Variants in TTLL9 observed in about 807,000 individuals in gnomAD.
TTLL9 encodes probable tubulin polyglutamylase TTLL9.
TTLL9 carries 47 observed loss-of-function variants against 65.6 expected under a neutral mutation model. The observed-to-expected ratio is 0.72, with a 90% CI of 0.57 to 0.91. The LOEUF (loss-of-function observed/expected upper bound fraction) is 0.91. Among genes scored for constraint, TTLL9 ranks in the 40% least tolerant of loss-of-function variants. The pLI, the probability that TTLL9 is intolerant of heterozygous loss-of-function variation, is 0.00. For synonymous variants in TTLL9, 179 were observed against 204.8 expected, an observed-to-expected ratio of 0.87 and a Z score of 1.07; for missense variants, 537 against 568.8, an observed-to-expected ratio of 0.94 and a Z score of 0.57.
At chr20:31,908,844 A>G (rs2063600428) in intron 5 of TTLL9, 142 bp downstream of exon 5, 1 of 697,554 alleles carries the variant, frequency 1.4e-6, no homozygotes, top group Non-Finnish European at 2.6e-6. Context: ...GGCTAGACCT[A>G]TGGAGAGCCA....
Position 31,925,020 on chromosome 20 carries a change from G to T in TTLL9, c.676G>T (p.Asp226Tyr). 6.2e-7 allele frequency: 1 copy of T among 1,614,126 alleles called. No homozygotes were observed. The highest frequency in any genetic ancestry group is 1.1e-5 in the South Asian group (1 of 91,066). ...NPYLIGGRKF[D>Y]LRVYVLVMSV... ...TCCTTGCCTGACAGGCCGCAAGTTT[G>T]ACCTGCGTGTCTATGTGCTGGTGAT... Residue 226 changes from aspartate to tyrosine, a missense_variant, in exon 9 of 15, where the codon GAC becomes TAC. Coordinates refer to ENST00000535842, the MANE Select transcript of TTLL9 (RefSeq NM_001008409.5).
chr20:31,933,031 C>T (rs2064047173), intron 10 of TTLL9, among the ~76,000 whole-genome samples: 1 of 152,178 alleles, frequency 6.6e-6, no homozygotes, highest in South Asian at 2.1e-4. Context: ...TTGGGGAAGC[C>T]ATCCTGCTTA....
intron 9 of TTLL9, among the ~76,000 whole-genome samples, chr20:31,925,274 T>C (rs1261609299): frequency 1.3e-5 from 2 of 152,216 alleles, no homozygotes; most frequent in African/African-American, 4.8e-5. Flanking sequence ...CTCTCTGCCC[T>C]TCTTTATTCA....
In TTLL9 at chr20:31,908,593, A is replaced by G; in HGVS notation, c.209A>G (p.Glu70Gly). The stretch of plus-strand genomic sequence containing the variant: ...CCCCGCCCCCACCCCACCCCCAGCG[A>G]AGGGGAGTGGGATTTCTACTGGTGT... ...HRPGWVEVKD[E>G]GEWDFYWCDV... Residue 70 changes from glutamate (E) to glycine (G), a missense_variant and splice_region_variant, in exon 5 of 15, where the codon GAA becomes GGA. Glu to Gly is a moderately conservative substitution (Grantham distance 98). Transcript: ENST00000535842. 2 of 1,361,876 alleles carry G rather than the reference A, an allele frequency of 1.5e-6. No homozygotes were observed. Among genetic ancestry groups the G allele is most frequent in the Non-Finnish European group, 2.1e-6 (2 of 964,372 alleles). The allele number at this position is 1,361,876 out of a possible 1,614,324, so 84.4% of individuals were successfully genotyped here. A position where few individuals can be genotyped will look rare whatever the true frequency, so the allele number is the denominator to read the frequency against.
intron 7 of TTLL9, among the ~76,000 whole-genome samples, chr20:31,920,484 G>T (rs550216717): frequency 5.9e-5 from 9 of 152,332 alleles, no homozygotes; most frequent in Admixed American, 2.0e-4. Flanking sequence ...GCAGCTGTGT[G>T]GTCTTGGGAA....
intron 3 of TTLL9, among the ~76,000 whole-genome samples, chr20:31,890,031 T>TTTCTTTCTTTCC (rs1325059685): frequency 4.3e-4 from 49 of 114,584 alleles, no homozygotes; most frequent in East Asian, 3.8e-3. Context: ...TCTTTCTTTC[T>TTTCTTTCTTTCC]TTCCTTCCTT....
Position 31,876,413 on chromosome 20 carries a change from T to A in TTLL9, c.69+5218T>A, listed in dbSNP as rs140066571. On this transcript the variant is annotated intron_variant, in intron 2 of 14. Coordinates refer to ENST00000535842, the MANE Select transcript of TTLL9 (RefSeq NM_001008409.5). ...GTGAGCCAAGATCGTACCATTGCAC[T>A]CCAGCCTGGGTGACAAGAGCAAAAC... Among the ~76,000 whole-genome samples the A allele has an allele frequency of 3.8e-3, 585 of 152,142 alleles. 34 individuals are homozygous for A. In the East Asian group the frequency reaches 0.091, roughly 24 times the overall value.
chr20:31,880,074 C>T (rs1262633212), intron 2 of TTLL9, among the ~76,000 whole-genome samples: 1 of 152,176 alleles, frequency 6.6e-6, no homozygotes, highest in East Asian at 1.9e-4. Flanking sequence ...GAAAAAAAGC[C>T]GAGGAACTCA....
At chr20:31,942,851 G>A (rs1025763764) in intron 14 of TTLL9, 94 bp from the exon 15 acceptor site, 27 of 1,233,392 alleles carry the variant, frequency 2.2e-5, no homozygotes, top group African/African-American at 4.4e-5. Flanking sequence ...TCTGACTCCC[G>A]CTGTCCCCTC....
rs1405308588 is a variant in TTLL9, at chr20:31,907,685, C to A, written c.207-906C>A. Among the ~76,000 whole-genome samples, 4 of 151,186 alleles carry A rather than the reference C, an allele frequency of 2.6e-5. No homozygotes were observed. The East Asian group carries it at 7.9e-4, about 30-fold the overall frequency. ...GCAGTGAACTGAGATCTCGCCATTG[C>A]ACTCCAGCCTGGGTAACAAAGTGAT... On this transcript the variant is annotated intron_variant, in intron 4 of 14. Coordinates refer to ENST00000535842, the MANE Select transcript of TTLL9 (RefSeq NM_001008409.5).
chr20:31,908,761 T>C, intron 5 of TTLL9, 59 bp downstream of exon 5: 5 of 1,328,266 alleles, frequency 3.8e-6, no homozygotes, highest in Non-Finnish European at 5.4e-6. Context: ...GGTGTGGCCA[T>C]GAGCTGGAGC....
intron 10 of TTLL9, among the ~76,000 whole-genome samples, chr20:31,931,932 G>C (rs761662483): frequency 3.9e-5 from 6 of 151,920 alleles, no homozygotes; most frequent in Non-Finnish European, 8.8e-5. Context: ...CTGTGCTTTT[G>C]GTGTCATATC....
At chr20:31,891,088 G>T (rs773806395) in intron 3 of TTLL9, among the ~76,000 whole-genome samples, 29 of 152,224 alleles carry the variant, frequency 1.9e-4, no homozygotes, top group Non-Finnish European at 3.7e-4. Context: ...AGCTAGGACA[G>T]GTTGCTGAGT....
chr20:31,929,677 T>C (rs1183483607), intron 10 of TTLL9, among the ~76,000 whole-genome samples: 4 of 152,226 alleles, frequency 2.6e-5, no homozygotes, highest in Non-Finnish European at 5.9e-5. Context: ...TTGGGAAGTA[T>C]TCAATTTCTT....
chr20:31,898,408 C>G, intron 3 of TTLL9, 65 bp from the exon 4 acceptor site: 1 of 1,435,750 alleles, frequency 7.0e-7, no homozygotes, highest in Middle Eastern at 1.8e-4. Flanking sequence ...TCCTTTTTTC[C>G]TCTCCTTGCG....
chr20:31,892,120 A>G (rs1345450554), intron 3 of TTLL9, among the ~76,000 whole-genome samples: 1 of 152,032 alleles, frequency 6.6e-6, no homozygotes, highest in Non-Finnish European at 1.5e-5. Context: ...ATAAATTTTT[A>G]AAATACTTAT....
At chr20:31,911,878 TCTTTCCCAAATTG>T (rs939871401) in intron 6 of TTLL9, among the ~76,000 whole-genome samples, 1 of 146,024 alleles carries the variant, frequency 6.8e-6, no homozygotes, top group Non-Finnish European at 1.5e-5. Context: ...GTGTGTGTCC[TCTTTCCCAAATTG>T]CGAGGCACCC....
At chr20:31,901,245 G>C (rs1413411373) in intron 4 of TTLL9, 1 of 152,258 alleles carries the variant, frequency 6.6e-6, no homozygotes, top group Non-Finnish European at 1.5e-5. Flanking sequence ...GTTAAGGATG[G>C]CAGAATGGAT....
chr20:31,939,171 G>C lies in TTLL9; in HGVS notation c.1148G>C (p.Gly383Ala), dbSNP rs1163585628. 1.9e-6 allele frequency: 3 copies of C among 1,607,102 alleles called. No individual in the cohort carries two copies. The highest frequency in any genetic ancestry group is 1.3e-5 in the African/African-American group (1 of 74,436). The change falls in exon 14 of 15, where the codon GGC (glycine) becomes GCC (alanine). Residue 383 changes from glycine (G) to alanine (A), a missense_variant. Gly to Ala is a moderately conservative substitution (Grantham distance 60). Coordinates refer to ENST00000535842, the MANE Select transcript of TTLL9 (RefSeq NM_001008409.5). ...ACGGGAAGGGAGAAGCGAGTCGGGG[G>C]CTTTGACCTCATGTGGAATGATGGC... ...RLTGREKRVG[G>A]FDLMWNDGPV... is the part of the protein sequence containing the mutation.
Sources: gnomAD v4.1 joint callset for allele counts (sites outside exome capture counted in the v4.1 genomes callset) on GRCh38, gnomAD v4.1.1 for gene constraint, MANE v1.5 for transcripts, NCBI Gene and HGNC (gene_info 2026-07-23, HGNC 2026-07-21) for gene names.